Variants in TRIM37 observed in about 807,000 individuals in gnomAD.
The protein encoded by TRIM37 is E3 ubiquitin-protein ligase TRIM37.
A neutral mutation model predicts 129.8 loss-of-function variants in TRIM37; 80 were observed. The ratio of observed to expected loss-of-function variants is 0.62; its 90% CI spans 0.51 to 0.74. The LOEUF (loss-of-function observed/expected upper bound fraction) is 0.74. Among genes scored for constraint, TRIM37 ranks in the 30% least tolerant of loss-of-function variants. The pLI is 0.00. For missense variants in TRIM37, 1,054 were observed against 1,176.5 expected (o/e 0.90, Z 1.52); for synonymous variants, 389 against 387.1 (o/e 1.00, Z -0.06).
intron 22 of TRIM37, among the ~76,000 whole-genome samples, chr17:59,011,060 T>C (rs1377447234): frequency 1.3e-5 from 2 of 151,664 alleles, no homozygotes; most frequent in African/African-American, 2.4e-5. Flanking sequence ...ATCCCAGCTA[T>C]GCAGAGGCTG....
At chr17:58,975,089 T>C in the TRIM37 span, among the ~76,000 whole-genome samples, 2 of 152,326 alleles carry the variant, frequency 1.3e-5, no homozygotes, top group African/African-American at 4.8e-5. Flanking sequence ...ACCCATCAAA[T>C]GCTACCCTTG....
chr17:59,104,518 A>C, intron 1 of TRIM37, 124 bp from the exon 2 acceptor site: 1 of 889,920 alleles, frequency 1.1e-6, no homozygotes, highest in South Asian at 1.3e-5. Flanking sequence ...TAACTATTCC[A>C]TATCAGGATT....
intron 2 of TRIM37, among the ~76,000 whole-genome samples, chr17:59,095,906 G>A (rs2044808879): frequency 1.3e-5 from 2 of 152,102 alleles, no homozygotes; most frequent in African/African-American, 4.8e-5. Flanking sequence ...TTTTTGCAGA[G>A]ATGGGATCTT....
intron 24 of TRIM37, among the ~76,000 whole-genome samples, chr17:58,991,894 T>C (rs2032444794): frequency 6.6e-6 from 1 of 152,090 alleles, no homozygotes; most frequent in African/African-American, 2.4e-5. Flanking sequence ...CTCAGTGCAA[T>C]GAGTGCTGAC....
In TRIM37 at chr17:59,019,959, G is replaced by A. The variant is rs909992221; in HGVS notation, c.2258-2535C>T. Among the ~76,000 whole-genome samples, 16 of 151,954 alleles carry A rather than the reference G, an allele frequency of 1.1e-4. No individual in the cohort carries two copies. In the South Asian group the frequency reaches 2.3e-3, roughly 22 times the overall value. On this transcript the variant is annotated intron_variant, in intron 19 of 23. Transcript: ENST00000262294. Reference sequence around the variant, plus strand: ...AAGAATGCATTAACAGTCTGGGTGCGGTGGCTCATGCCAGTAATCCCAGCA... The same window carrying A: ...AAGAATGCATTAACAGTCTGGGTGCAGTGGCTCATGCCAGTAATCCCAGCA...
intron 19 of TRIM37, 112 bp from the exon 20 acceptor site, chr17:59,017,536 C>A: frequency 6.9e-7 from 1 of 1,439,230 alleles, no homozygotes; most frequent in Non-Finnish European, 9.7e-7. Flanking sequence ...GTTCTCTCTA[C>A]TGTCTAAAAA....
intron 19 of TRIM37, among the ~76,000 whole-genome samples, chr17:59,017,904 G>A (rs1341689707): frequency 1.3e-5 from 2 of 152,126 alleles, no homozygotes; most frequent in Admixed American, 1.3e-4. Flanking sequence ...GGGATTACAG[G>A]CATGGGCCAC....
chr17:58,982,985 C>T (rs769100761), intron 24 of TRIM37: 78 of 1,415,768 alleles, frequency 5.5e-5, no homozygotes, highest in Non-Finnish European at 7.0e-5. Flanking sequence ...AAGTGCTTAG[C>T]GAAGTAAAAA....
chr17:59,077,018 C>T (rs945895634), intron 7 of TRIM37, among the ~76,000 whole-genome samples: 1 of 152,142 alleles, frequency 6.6e-6, no homozygotes, highest in Non-Finnish European at 1.5e-5. Context: ...AAACTCCCAA[C>T]CTCAGATGAT....
intron 9 of TRIM37, among the ~76,000 whole-genome samples, chr17:59,065,997 A>T (rs1208742700): frequency 1.3e-5 from 2 of 152,202 alleles, no homozygotes; most frequent in African/African-American, 4.8e-5. Flanking sequence ...GTCAGTTGTT[A>T]TCCTTCTTAG....
At position 59,096,559 on chromosome 17, in the gene TRIM37, A is replaced by C. The variant is rs200823601; in HGVS notation, c.124-5219T>G. Among the ~76,000 whole-genome samples, 227 of 141,894 alleles carry C rather than the reference A, an allele frequency of 1.6e-3. 6 individuals are homozygous for C. The East Asian group carries it at 0.039, about 24-fold the overall frequency. 93.1% of individuals were successfully genotyped at this position (141,894 alleles called of 152,430 possible). A position where few individuals can be genotyped will look rare whatever the true frequency, so the allele number is the denominator to read the frequency against. On this transcript the variant is annotated intron_variant, in intron 2 of 23. Coordinates refer to ENST00000262294, the MANE Select transcript of TRIM37 (RefSeq NM_015294.6). The stretch of plus-strand genomic sequence containing the variant: ...AGTGAGACTCTGTCTCAAAAAAAAA[A>C]AAACAAAAAAAAAAAAACCAACTTT...
In TRIM37 at chr17:59,028,743, T is replaced by C; in HGVS notation, c.1949-20A>G. On this transcript the variant is annotated intron_variant, in intron 18 of 23. Transcript: ENST00000262294. ...ATGATGCTTCAGAGAAATTGACAAG[T>C]CATGTTAACATAAACGTTAATATTA... 6.2e-7 allele frequency: 1 copy of C among 1,613,286 alleles called. No individual in the cohort carries two copies. Among genetic ancestry groups the C allele is most frequent in the African/African-American group, 1.3e-5 (1 of 75,032 alleles).
chr17:59,049,359 G>A lies in TRIM37; in HGVS notation c.1349C>T (p.Ser450Leu). 4 of 1,614,022 alleles carry A rather than the reference G, an allele frequency of 2.5e-6. No homozygotes were observed. The highest frequency in any genetic ancestry group is 3.4e-6 in the Non-Finnish European group (4 of 1,180,020). ...GTTATCTGGTGGTGACAAATCTCTTGACTTCTGAGTTCGAGACAGCTCAAT... is the reference window on the plus strand; with the variant it reads ...GTTATCTGGTGGTGACAAATCTCTTAACTTCTGAGTTCGAGACAGCTCAAT... ...LTIELSRTQK[S>L]RDLSPPDNHL... is the part of the protein sequence containing the mutation. The change falls in exon 15 of 24, where the codon TCA becomes TTA. Residue 450 changes from serine (S) to leucine (L), a missense_variant. Transcript: ENST00000262294.
Position 58,986,653 on chromosome 17 carries a change from C to T in TRIM37, c.2892-3732G>A, listed in dbSNP as rs149851493. Among the ~76,000 whole-genome samples the T allele has an allele frequency of 2.5e-3, 384 of 152,172 alleles. 2 individuals are homozygous for T. The highest frequency in any genetic ancestry group is 3.4e-3 in the Non-Finnish European group (229 of 67,998). On this transcript the variant is annotated intron_variant, in intron 24 of 24. Coordinates refer to the TRIM37 transcript ENST00000393066. ...TCAGCCTCCCAGGATGCTGGGATTA[C>T]AGGCGTCGGCCACCACGCCTGGCTT...
chr17:59,001,891 C>A (rs963305719), intron 22 of TRIM37, 177 bp from the exon 23 acceptor site: 12 of 920,334 alleles, frequency 1.3e-5, no homozygotes, highest in Non-Finnish European at 1.8e-5. Context: ...AACCTCGATT[C>A]TCTTTAGCTA....
chr17:59,069,768 A>T (rs1257432664), intron 9 of TRIM37, among the ~76,000 whole-genome samples: 4 of 152,188 alleles, frequency 2.6e-5, no homozygotes, highest in Non-Finnish European at 5.9e-5. Context: ...AAGATAATTA[A>T]GGCTAAATGA....
At chr17:59,028,746 T>C (rs1219169285) in intron 18 of TRIM37, 23 bp from the exon 19 acceptor site, 11 of 1,612,822 alleles carry the variant, frequency 6.8e-6, no homozygotes, top group South Asian at 1.1e-5. Flanking sequence ...TGACAAGTCA[T>C]GTTAACATAA....
At position 59,057,066 on chromosome 17, in the gene TRIM37, A is replaced by G; in HGVS notation, c.1020-12T>C. On this transcript the variant is annotated splice_polypyrimidine_tract_variant and intron_variant, in intron 12 of 23. Transcript: ENST00000262294. ...CACGATATTCATATCTAAAATTGAA[A>G]AACAGACCATTACTATACAGTTAGT... The G allele has an allele frequency of 1.9e-6, 3 of 1,611,786 alleles. No individual in the cohort carries two copies. The South Asian group carries it at 3.3e-5, about 18-fold the overall frequency.
intron 24 of TRIM37, among the ~76,000 whole-genome samples, chr17:58,988,545 G>A (rs973750018): frequency 1.3e-5 from 2 of 152,124 alleles, no homozygotes; most frequent in African/African-American, 4.8e-5. Flanking sequence ...GAAGGGGCAA[G>A]TAAACAGAGA....
Sources: gnomAD v4.1 joint callset for allele counts (sites outside exome capture counted in the v4.1 genomes callset) on GRCh38, gnomAD v4.1.1 for gene constraint, MANE v1.5 for transcripts, NCBI Gene and HGNC (gene_info 2026-07-23, HGNC 2026-07-21) for gene names.